ST18: variants seen among roughly 807,000 people sequenced by gnomAD.
ST18 encodes suppression of tumorigenicity 18 protein.
ST18 carries 50 observed loss-of-function variants against 110.0 expected under a neutral mutation model. The ratio of observed to expected loss-of-function variants is 0.45; its 90% CI spans 0.36 to 0.58. The LOEUF is 0.58. Ranked by LOEUF, ST18 falls within the 20% of genes least tolerant of loss-of-function variation. The probability of loss-of-function intolerance (pLI) is 0.00; values close to 1 mark genes in which losing one functional copy is unlikely to be tolerated. For synonymous variants in ST18, 461 were observed against 452.4 expected (o/e 1.02, Z -0.24); for missense variants, 1,306 against 1,280.1 (o/e 1.02, Z -0.31).
In ST18 at chr8:52,332,901, G is replaced by C. The variant is rs1810270816; in HGVS notation, c.-465+76427C>G. On this transcript the variant is annotated intron_variant, in intron 2 of 25. Coordinates refer to ENST00000689386, the MANE Select transcript of ST18 (RefSeq NM_001352837.2). ...TATATGACCAATGGGTCCTGCCTAT[G>C]CACAAGGCACATAGAACTAATCATT... is the stretch of plus-strand genomic sequence containing the variant. Among the ~76,000 whole-genome samples the C allele has an allele frequency of 2.6e-5, 4 of 152,074 alleles. No individual in the cohort carries two copies. The South Asian group carries it at 6.2e-4, about 24-fold the overall frequency.
chr8:52,383,006 T>A (rs922941142), intron 2 of ST18, among the ~76,000 whole-genome samples: 2 of 152,168 alleles, frequency 1.3e-5, no homozygotes, highest in Non-Finnish European at 2.9e-5. Flanking sequence ...TCGTAAAACC[T>A]GGGTTCTCCT....
At chr8:52,329,690 G>A (rs1359591294) in intron 2 of ST18, among the ~76,000 whole-genome samples, 1 of 152,112 alleles carries the variant, frequency 6.6e-6, no homozygotes, top group Non-Finnish European at 1.5e-5. Flanking sequence ...AGGAGGCAGA[G>A]GTTGCAGTGA....
intron 13 of ST18, among the ~76,000 whole-genome samples, chr8:52,161,939 G>T (rs547132712): frequency 6.6e-6 from 1 of 152,348 alleles, no homozygotes; most frequent in East Asian, 1.9e-4. Flanking sequence ...GGTGGGTGCG[G>T]TGGCTTACGC....
At chr8:52,356,716 A>G (rs749014553) in intron 2 of ST18, among the ~76,000 whole-genome samples, 7 of 152,208 alleles carry the variant, frequency 4.6e-5, no homozygotes, top group South Asian at 2.1e-4. Context: ...GAAGGAAACC[A>G]TAGAATAAGA....
At chr8:52,248,892 T>C (rs893229860) in intron 2 of ST18, among the ~76,000 whole-genome samples, 5 of 152,192 alleles carry the variant, frequency 3.3e-5, no homozygotes, top group African/African-American at 1.2e-4. Flanking sequence ...ATTCCATCTA[T>C]GTTATTAAAT....
intron 2 of ST18, among the ~76,000 whole-genome samples, chr8:52,287,476 T>C (rs2095488813): frequency 6.6e-6 from 1 of 152,056 alleles, no homozygotes; most frequent in Non-Finnish European, 1.5e-5. Flanking sequence ...AGCAAAGAAA[T>C]ATAGAATTTA....
In ST18 at chr8:52,152,190, C is replaced by A. The variant is rs572879327; in HGVS notation, c.1807-2213G>T. On this transcript the variant is annotated intron_variant, in intron 15 of 25. Coordinates refer to ENST00000689386, the MANE Select transcript of ST18 (RefSeq NM_001352837.2). The stretch of plus-strand genomic sequence containing the variant: ...AGGGTACAGATGGGCCTTAAGTGAG[C>A]GCACAGATGCCTTCAACAATTACAT... Among the ~76,000 whole-genome samples the A allele has an allele frequency of 2.6e-5, 4 of 152,180 alleles. No individual in the cohort carries two copies. In the East Asian group the frequency reaches 7.7e-4, roughly 29 times the overall value.
intron 2 of ST18, among the ~76,000 whole-genome samples, chr8:52,272,712 A>G (rs556534815): frequency 6.6e-6 from 1 of 152,320 alleles, no homozygotes; most frequent in South Asian, 2.1e-4. Flanking sequence ...CCAGCAATCC[A>G]TCTTCTGGGT....
At chr8:52,156,757 G>T (rs917644903) in intron 15 of ST18, among the ~76,000 whole-genome samples, 1 of 152,132 alleles carries the variant, frequency 6.6e-6, no homozygotes, top group Admixed American at 6.5e-5. Flanking sequence ...GTGTGCATGT[G>T]TGTGTGTGTG....
At chr8:52,373,610 C>A (rs1831044041) in intron 2 of ST18, among the ~76,000 whole-genome samples, 1 of 152,120 alleles carries the variant, frequency 6.6e-6, no homozygotes. Flanking sequence ...TACCCCCACC[C>A]CAAACCCTCC....
In ST18 at chr8:52,160,029, A is replaced by G. The variant is rs149969963; in HGVS notation, c.1595-920T>C. 2.8e-3 allele frequency among the ~76,000 whole-genome samples: 431 copies of G among 152,268 alleles called. 2 individuals are homozygous for G. Among genetic ancestry groups the G allele is most frequent in the African/African-American group, 9.8e-3 (409 of 41,576 alleles). On this transcript the variant is annotated intron_variant, in intron 14 of 25. Transcript: ENST00000689386. ...AAAACTTAAAACACTGGCAAATGTT[A>G]TATTTCTATAATTACAAGAATATGA...
At chr8:52,149,680 A>G (rs1315878231) in intron 16 of ST18, 52 bp downstream of exon 16, 22 of 1,575,142 alleles carry the variant, frequency 1.4e-5, no homozygotes, top group Middle Eastern at 1.7e-4. Flanking sequence ...AGCTAGTGAT[A>G]CCCTGCAATC....
chr8:52,407,409 C>T (rs941288820), intron 2 of ST18: 1 of 152,044 alleles, frequency 6.6e-6, no homozygotes, highest in African/African-American at 2.4e-5. Flanking sequence ...CGCTGTGTTG[C>T]GTAGGGAATC....
intron 8 of ST18, among the ~76,000 whole-genome samples, chr8:52,190,921 T>C (rs1377671222): frequency 2.6e-5 from 4 of 152,210 alleles, no homozygotes; most frequent in Non-Finnish European, 5.9e-5. Context: ...CTCAGTGGTC[T>C]GGGGCATTCT....
intron 23 of ST18, among the ~76,000 whole-genome samples, chr8:52,125,005 TAA>T (rs1156497945): frequency 1.3e-5 from 2 of 152,330 alleles, no homozygotes; most frequent in South Asian, 2.1e-4. Context: ...TGCCATCAAA[TAA>T]AGTCTCCAGA....
chr8:52,269,171 T>C (rs1346062105), intron 2 of ST18, among the ~76,000 whole-genome samples: 1 of 152,220 alleles, frequency 6.6e-6, no homozygotes, highest in Non-Finnish European at 1.5e-5. Context: ...GCAATGACTT[T>C]ACACCTGAAT....
In ST18 at chr8:52,230,746, GT is replaced by G. The variant is rs1222568412; in HGVS notation, c.-464-670del. 2.0e-4 allele frequency among the ~76,000 whole-genome samples: 30 copies of G among 152,152 alleles called. 1 individual carries two copies. Among genetic ancestry groups the G allele is most frequent in the Admixed American group, 1.9e-3 (29 of 15,276 alleles). Reference sequence around the variant, plus strand: ...AGAAGGTTTTACTTGGTCAGCTACTGTTTTTCCTCCCAGGTCCCTGGGTTCA... The same window carrying G: ...AGAAGGTTTTACTTGGTCAGCTACTGTTTTCCTCCCAGGTCCCTGGGTTCA... On this transcript the variant is annotated intron_variant, in intron 2 of 25. Transcript: ENST00000689386.
intron 2 of ST18, among the ~76,000 whole-genome samples, chr8:52,352,710 G>C (rs1820936455): frequency 6.6e-6 from 1 of 152,206 alleles, no homozygotes; most frequent in African/African-American, 2.4e-5. Context: ...CCCTGCTCCA[G>C]TGGGATGGAT....
At chr8:52,391,141 C>G (rs1398235616) in intron 2 of ST18, among the ~76,000 whole-genome samples, 1 of 152,212 alleles carries the variant, frequency 6.6e-6, no homozygotes, top group African/African-American at 2.4e-5. Flanking sequence ...CCTCCCTGTC[C>G]TACCAGGTGT....
Sources: allele counts gnomAD v4.1 joint callset (sites outside exome capture counted in the v4.1 genomes callset), GRCh38; gene constraint gnomAD v4.1.1; transcripts MANE v1.5; gene names NCBI Gene and HGNC (gene_info 2026-07-23, HGNC 2026-07-21).